Variants in ZMYND8 observed in about 807,000 individuals in gnomAD.
The protein encoded by ZMYND8 is zinc finger MYND-type containing 8.
In ZMYND8, 37 loss-of-function variants were observed where a neutral mutation model predicts 140.8. The ratio of observed to expected loss-of-function variants is 0.26; its 90% CI spans 0.20 to 0.35. The LOEUF (loss-of-function observed/expected upper bound fraction) is 0.35. Ranked by LOEUF, ZMYND8 falls within the 10% of genes least tolerant of loss-of-function variation. The pLI is 1.00. For synonymous variants in ZMYND8, 592 were observed against 597.1 expected, an observed-to-expected ratio of 0.99 and a Z score of 0.12; for missense variants, 1,068 against 1,570.0, an observed-to-expected ratio of 0.68 and a Z score of 5.40.
At chr20:47,288,616 AC>A (rs2077067195) in intron 7 of ZMYND8, among the ~76,000 whole-genome samples, 1 of 151,398 alleles carries the variant, frequency 6.6e-6, no homozygotes, top group Middle Eastern at 3.2e-3. Context: ...CTGATCTCGA[AC>A]CCCTGACTGA....
At position 47,305,243 on chromosome 20, in the gene ZMYND8, C is replaced by CTT. The variant is rs371029817; in HGVS notation, c.234+4811_234+4812dup. On this transcript the variant is annotated intron_variant, in intron 3 of 22. Coordinates refer to ENST00000471951, the MANE Select transcript of ZMYND8 (RefSeq NM_001281775.3). ...TGGACAACAGAGCAAAGCCCTGCCTCTTTTTTTTTTTTCTTTTTTCTGAGA... is the reference window on the plus strand; with the variant it reads ...TGGACAACAGAGCAAAGCCCTGCCTCTTTTTTTTTTTTTTCTTTTTTCTGAGA... 4.3e-4 allele frequency among the ~76,000 whole-genome samples: 62 copies of CTT among 145,390 alleles called. No homozygotes were observed. In the East Asian group the frequency reaches 4.4e-3, roughly 10 times the overall value.
intron 12 of ZMYND8, among the ~76,000 whole-genome samples, chr20:47,251,990 A>AAAAG (rs918629815): frequency 1.3e-5 from 2 of 152,100 alleles, no homozygotes; most frequent in African/African-American, 2.4e-5. Context: ...TTTAAAAAAA[A>AAAAG]AAAGAAAGAA....
intron 14 of ZMYND8, among the ~76,000 whole-genome samples, chr20:47,243,886 GAGAC>G (rs2040238763): frequency 6.6e-6 from 1 of 152,318 alleles, no homozygotes; most frequent in East Asian, 1.9e-4. Context: ...TGCAACAACA[GAGAC>G]AGTCTCTCAA....
intron 2 of ZMYND8, among the ~76,000 whole-genome samples, chr20:47,316,006 G>T (rs960023326): frequency 6.6e-6 from 1 of 152,154 alleles, no homozygotes; most frequent in Non-Finnish European, 1.5e-5. Flanking sequence ...TGCTGAAATT[G>T]TAACAATATG....
At chr20:47,211,942 T>TGCACATG (rs1203368715) in intron 22 of ZMYND8, among the ~76,000 whole-genome samples, 1 of 152,172 alleles carries the variant, frequency 6.6e-6, no homozygotes, top group Non-Finnish European at 1.5e-5. Context: ...GTCATGTAGT[T>TGCACATG]ACTCAGGAGA....
chr20:47,256,978 A>T (rs998978511), intron 12 of ZMYND8, among the ~76,000 whole-genome samples: 1 of 152,170 alleles, frequency 6.6e-6, no homozygotes, highest in African/African-American at 2.4e-5. Context: ...ATAAGAGGAG[A>T]TGGGATCATC....
At chr20:47,324,001 C>T (rs1450085266) in intron 2 of ZMYND8, among the ~76,000 whole-genome samples, 1 of 150,666 alleles carries the variant, frequency 6.6e-6, no homozygotes, top group African/African-American at 2.4e-5. Flanking sequence ...GAGATCGAGA[C>T]CATCCTGGCC....
chr20:47,310,249 C>G (rs773791081), intron 2 of ZMYND8, 45 bp from the exon 3 acceptor site: 9 of 1,550,126 alleles, frequency 5.8e-6, no homozygotes, highest in Admixed American at 4.2e-5. Flanking sequence ...GTCAGGGAGG[C>G]CTGGGCCCCA....
chr20:47,214,659 A>C (rs567396552), intron 21 of ZMYND8, among the ~76,000 whole-genome samples: 52 of 152,106 alleles, frequency 3.4e-4, no homozygotes, highest in African/African-American at 1.2e-3. Flanking sequence ...ACGCCTAGCT[A>C]ATTTTTTGTA....
Position 47,349,976 on chromosome 20 carries a change from G to A in ZMYND8, c.15-2050C>T. The A allele has an allele frequency of 9.8e-6, 15 of 1,524,904 alleles. No homozygotes were observed. In the South Asian group the frequency reaches 1.6e-4, roughly 16 times the overall value. 94.5% of individuals were successfully genotyped at this position (1,524,904 alleles called of 1,614,324 possible). A position where few individuals can be genotyped will look rare whatever the true frequency, so the allele number is the denominator to read the frequency against. ...CAGCCTAGAGGAGCTGAATACTTCA[G>A]GCAGGAATGCTGCTGAGAGACGAGG... On this transcript the variant is annotated intron_variant, in intron 1 of 22. Transcript: ENST00000471951.
chr20:47,272,991 G>C (rs952824441), intron 11 of ZMYND8, among the ~76,000 whole-genome samples: 1 of 152,226 alleles, frequency 6.6e-6, no homozygotes, highest in African/African-American at 2.4e-5. Flanking sequence ...GCAGATGGCA[G>C]TAGGGTGCAG....
intron 12 of ZMYND8, among the ~76,000 whole-genome samples, chr20:47,258,190 C>T (rs2074896236): frequency 6.6e-6 from 1 of 152,170 alleles, no homozygotes; most frequent in African/African-American, 2.4e-5. Context: ...CCCTGACCCC[C>T]AAAAAAGCTG....
chr20:47,227,106 A>G (rs544824155), intron 18 of ZMYND8, 97 bp downstream of exon 18: 2 of 1,273,848 alleles, frequency 1.6e-6, no homozygotes, highest in South Asian at 2.5e-5. Flanking sequence ...ATCCTAGCCT[A>G]GCTTTAATTG....
Position 47,224,529 on chromosome 20 carries a change from C to T in ZMYND8, c.3044G>A (p.Ser1015Asn). 1 of 1,613,902 alleles carries T rather than the reference C, an allele frequency of 6.2e-7. No homozygotes were observed. Among genetic ancestry groups the T allele is most frequent in the Non-Finnish European group, 8.5e-7 (1 of 1,180,052 alleles). ...GAGCCGGTCCCGCTCCTGCTCCAGGCTCTGCCGCATCTCCGCCATGGTCAG... is the reference window on the plus strand; with the variant it reads ...GAGCCGGTCCCGCTCCTGCTCCAGGTTCTGCCGCATCTCCGCCATGGTCAG... ...LELTMAEMRQSLEQERDRLIA... is the reference protein window; with the variant it reads ...LELTMAEMRQNLEQERDRLIA... The change falls in exon 19 of 23, where the codon AGC becomes AAC. Residue 1015 changes from serine to asparagine, a missense_variant. By Grantham distance (46) the Ser-to-Asn change is conservative. Around this residue, in one of 10 missense-constraint regions of ZMYND8, gnomAD observed 87 missense variants for 151.1 expected, o/e 0.58. Transcript: ENST00000471951.
intron 14 of ZMYND8, among the ~76,000 whole-genome samples, chr20:47,244,302 T>C (rs1379861488): frequency 6.6e-6 from 1 of 152,146 alleles, no homozygotes; most frequent in Non-Finnish European, 1.5e-5. Context: ...ATACATAAGG[T>C]TTTATGGCTA....
rs945491491 is a variant in ZMYND8, at chr20:47,347,941, A to G, written c.15-15T>C. 5 of 1,613,272 alleles carry G rather than the reference A, an allele frequency of 3.1e-6. No homozygotes were observed. In the African/African-American group the frequency reaches 5.3e-5, roughly 17 times the overall value. ...CTTCAGCCAAGCTGAAACAGAGCAA[A>G]TTATGTTCATGTTTAGGAAGGCTGA... On this transcript the variant is annotated splice_polypyrimidine_tract_variant and intron_variant, in intron 1 of 22. Transcript: ENST00000471951.
At chr20:47,224,937 TA>T (rs1167525253) in intron 18 of ZMYND8, among the ~76,000 whole-genome samples, 1 of 152,234 alleles carries the variant, frequency 6.6e-6, no homozygotes, top group East Asian at 1.9e-4. Context: ...CAAATACCTA[TA>T]CAGCACCCAC....
chr20:47,290,381 TTA>T, intron 6 of ZMYND8, 107 bp from the exon 7 acceptor site: 6 of 879,294 alleles, frequency 6.8e-6, no homozygotes, highest in Non-Finnish European at 1.1e-5. Context: ...GCCAAATCAA[TTA>T]GTGTTCTTCT....
intron 1 of ZMYND8, 34 bp downstream of exon 1, chr20:47,356,623 G>A (rs2083261496): frequency 2.5e-6 from 4 of 1,614,112 alleles, no homozygotes; most frequent in Non-Finnish European, 1.7e-6. Flanking sequence ...CTCAGAGGGA[G>A]GGGGAAAAAA....
Sources: allele counts gnomAD v4.1 joint callset (sites outside exome capture counted in the v4.1 genomes callset), GRCh38; gene constraint gnomAD v4.1.1; regional missense constraint gnomAD v4.1.1; transcripts MANE v1.5; gene names NCBI Gene and HGNC (gene_info 2026-07-23, HGNC 2026-07-21).